Variants in RGS7 observed in about 807,000 individuals in gnomAD.
RGS7 encodes the protein regulator of G protein signaling 7.
Under a neutral mutation model 81.1 loss-of-function variants are expected in RGS7, and 27 were observed. The observed-to-expected ratio is 0.33, with a 90% CI of 0.25 to 0.46. The LOEUF is 0.46. RGS7 is among the 20% of genes least tolerant of loss of function. The pLI, the probability that RGS7 is intolerant of heterozygous loss-of-function variation, is 1.00. For missense variants in RGS7, 396 were observed against 607.4 expected (o/e 0.65, Z 3.66); for synonymous variants, 208 against 207.7 (o/e 1.00, Z -0.01).
intron 3 of RGS7, among the ~76,000 whole-genome samples, chr1:241,025,799 T>C (rs926304707): frequency 2.6e-5 from 4 of 152,072 alleles, no homozygotes; most frequent in African/African-American, 9.7e-5. Flanking sequence ...TGAAGGGAAA[T>C]GCAGAATCCA....
chr1:241,184,339 T>C (rs1324636083), intron 2 of RGS7, among the ~76,000 whole-genome samples: 1 of 152,204 alleles, frequency 6.6e-6, no homozygotes. Context: ...CATCTATTCA[T>C]CATTTAAAAA....
In RGS7 at chr1:240,827,864, CAAAA is replaced by C. The variant is rs57562408; in HGVS notation, c.610-696_610-693del. ...GGGCAACAAGAGCAAAACTCCATTG[CAAAA>C]AAAAAAAAAAAAAAAAAAAACAGGC... On this transcript the variant is annotated intron_variant, in intron 9 of 18. Transcript: ENST00000440928. 9.3e-3 allele frequency among the ~76,000 whole-genome samples: 491 copies of C among 52,844 alleles called. 3 individuals carry two copies. Among genetic ancestry groups the C allele is most frequent in the African/African-American group, 0.023 (445 of 19,062 alleles). The allele number at this position is 52,844 out of a possible 152,430, so 34.7% of individuals were successfully genotyped here.
At chr1:240,957,595 C>G (rs1242025409) in intron 4 of RGS7, among the ~76,000 whole-genome samples, 2 of 152,114 alleles carry the variant, frequency 1.3e-5, no homozygotes, top group African/African-American at 4.8e-5. Flanking sequence ...AACCCTGGGA[C>G]AGGAAAAATA....
chr1:241,161,256 C>A (rs183311491), intron 2 of RGS7, among the ~76,000 whole-genome samples: 1 of 152,134 alleles, frequency 6.6e-6, no homozygotes. Context: ...TCAGAGAATC[C>A]GTGAGTTCTT....
At chr1:241,025,984 G>A (rs937600982) in intron 3 of RGS7, among the ~76,000 whole-genome samples, 4 of 152,190 alleles carry the variant, frequency 2.6e-5, no homozygotes, top group East Asian at 1.9e-4. Context: ...ACATAGTAAT[G>A]TGGACATACT....
At chr1:240,964,747 G>T (rs933135115) in intron 4 of RGS7, among the ~76,000 whole-genome samples, 3 of 152,164 alleles carry the variant, frequency 2.0e-5, no homozygotes, top group African/African-American at 7.2e-5. Flanking sequence ...ATATTGCAGA[G>T]ATTTTTTACC....
At chr1:240,894,250 T>C (rs1294112229) in intron 6 of RGS7, among the ~76,000 whole-genome samples, 1 of 152,182 alleles carries the variant, frequency 6.6e-6, no homozygotes, top group African/African-American at 2.4e-5. Context: ...TCTTCAAGTT[T>C]GGGGAGGTGC....
chr1:241,100,629 C>A (rs1439238354), intron 2 of RGS7, among the ~76,000 whole-genome samples: 1 of 152,068 alleles, frequency 6.6e-6, no homozygotes, highest in East Asian at 1.9e-4. Context: ...CTCTAAGACT[C>A]AGTTTTCTGA....
intron 9 of RGS7, among the ~76,000 whole-genome samples, chr1:240,848,486 C>T (rs562694443): frequency 2.6e-5 from 4 of 151,668 alleles, no homozygotes; most frequent in Admixed American, 2.6e-4. Context: ...ATAATAAGAC[C>T]AAAAAATAAT....
chr1:241,177,403 G>A (rs1047986301), intron 2 of RGS7, among the ~76,000 whole-genome samples: 2 of 152,116 alleles, frequency 1.3e-5, no homozygotes, highest in African/African-American at 2.4e-5. Context: ...AGCCTGGAGC[G>A]TAGACAGGGA....
intron 18 of RGS7, among the ~76,000 whole-genome samples, chr1:240,792,972 C>G (rs1481193428): frequency 1.3e-5 from 2 of 152,110 alleles, no homozygotes; most frequent in Non-Finnish European, 2.9e-5. Flanking sequence ...ACTTATCATA[C>G]AGAGCCCCCA....
At chr1:241,184,196 GA>G (rs967378703) in intron 2 of RGS7, among the ~76,000 whole-genome samples, 23 of 150,300 alleles carry the variant, frequency 1.5e-4, no homozygotes, top group African/African-American at 4.4e-4. Context: ...TTGATCAGCA[GA>G]AAAAAAAATG....
intron 3 of RGS7, among the ~76,000 whole-genome samples, chr1:241,054,571 C>T (rs2061395052): frequency 6.6e-6 from 1 of 152,186 alleles, no homozygotes; most frequent in African/African-American, 2.4e-5. Flanking sequence ...CTTGACAACT[C>T]AACTTCCATA....
At chr1:241,351,041 G>A (rs544727890) in intron 2 of RGS7, among the ~76,000 whole-genome samples, 10 of 152,240 alleles carry the variant, frequency 6.6e-5, no homozygotes, top group East Asian at 3.9e-4. Context: ...GCCAATCAGC[G>A]TAAGTACTCT....
chr1:241,075,016 A>G (rs2062709452), intron 3 of RGS7, among the ~76,000 whole-genome samples: 1 of 152,166 alleles, frequency 6.6e-6, no homozygotes, highest in African/African-American at 2.4e-5. Context: ...CTTAGCATCC[A>G]TCTCTTGCTA....
At position 241,004,338 on chromosome 1, in the gene RGS7, G is replaced by A. The variant is rs138149261; in HGVS notation, c.176-21209C>T. On this transcript the variant is annotated intron_variant, in intron 3 of 18. Coordinates refer to ENST00000440928, the MANE Select transcript of RGS7 (RefSeq NM_001364886.1). ...CATTCCACAATAATGAGTATACATC[G>A]TGTAATAATGGGGATACTGGCACTG... is the stretch of plus-strand genomic sequence containing the variant. Among the ~76,000 whole-genome samples, 910 of 152,098 alleles carry A rather than the reference G, an allele frequency of 6.0e-3. 10 individuals carry two copies. The highest frequency in any genetic ancestry group is 0.02 in the African/African-American group (839 of 41,504).
intron 2 of RGS7, among the ~76,000 whole-genome samples, chr1:241,346,238 G>C (rs1335463609): frequency 6.6e-6 from 1 of 152,054 alleles, no homozygotes; most frequent in Non-Finnish European, 1.5e-5. Context: ...ATATCAGTCA[G>C]TTCTTCCTCT....
At chr1:241,294,569 G>A (rs2079282360) in intron 2 of RGS7, among the ~76,000 whole-genome samples, 3 of 152,110 alleles carry the variant, frequency 2.0e-5, no homozygotes, top group South Asian at 2.1e-4. Context: ...GGTTTATAAA[G>A]TCTACCCTAG....
chr1:241,175,735 C>G (rs901217313), intron 2 of RGS7, among the ~76,000 whole-genome samples: 4 of 152,162 alleles, frequency 2.6e-5, no homozygotes, highest in African/African-American at 9.7e-5. Flanking sequence ...CTGGAAAAAT[C>G]AGATGTCTAC....
Sources: gnomAD v4.1 joint callset for allele counts (sites outside exome capture counted in the v4.1 genomes callset) on GRCh38, gnomAD v4.1.1 for gene constraint, MANE v1.5 for transcripts, NCBI Gene and HGNC (gene_info 2026-07-23, HGNC 2026-07-21) for gene names.